IQSEC2: variants seen among roughly 807,000 people sequenced by gnomAD.
IQSEC2 encodes IQ motif and Sec7 domain ArfGEF 2.
A neutral mutation model predicts 74.6 loss-of-function variants in IQSEC2; 6 were observed. The ratio of observed to expected loss-of-function variants is 0.08; its 90% CI spans 0.04 to 0.16. IQSEC2 has a LOEUF of 0.16. Among genes scored for constraint, IQSEC2 ranks in the 10% least tolerant of loss-of-function variants. IQSEC2 has a pLI of 1.00. For synonymous variants in IQSEC2, 494 were observed against 544.5 expected (o/e 0.91, Z 1.29); for missense variants, 734 against 1,306.2 (o/e 0.56, Z 6.75).
intron 2 of IQSEC2, among the ~76,000 whole-genome samples, chrX:53,263,969 C>T (rs1223202297): frequency 8.0e-5 from 9 of 112,481 alleles, no homozygotes; most frequent in African/African-American, 2.6e-4. Flanking sequence ...ACCCTGGGTC[C>T]TCGAAGACCA....
chrX:53,312,295 T>C (rs782627555), intron 1 of IQSEC2, among the ~76,000 whole-genome samples: 1 of 111,640 alleles, frequency 9.0e-6, no homozygotes, highest in East Asian at 2.8e-4. Flanking sequence ...TCCAGGGTGA[T>C]GTCTCTCCTT....
Position 53,250,991 on chromosome X carries a change from G to A in IQSEC2, c.1585C>T (p.Pro529Ser). 8.3e-7 allele frequency: 1 copy of A among 1,211,909 alleles called. No homozygotes were observed. Among genetic ancestry groups the A allele is most frequent in the Non-Finnish European group, 1.1e-6 (1 of 895,505 alleles). ...GGTTCTGTGCTGGGCAGTCGCTCAG[G>A]GGATTGTTGGGGAACTGTGTCATCC... ...YLDDTVPQQSPERLPSTEPPP... is the reference protein window; with the variant it reads ...YLDDTVPQQSSERLPSTEPPP... Residue 529 changes from proline to serine, a missense_variant, in exon 5 of 15, where the codon CCT (proline) becomes TCT (serine). Around this residue, in one of 12 missense-constraint regions of IQSEC2, gnomAD observed 204 missense variants for 305.4 expected, o/e 0.67. Transcript: ENST00000642864.
intron 1 of IQSEC2, among the ~76,000 whole-genome samples, chrX:53,315,116 C>T (rs1254027836): frequency 1.8e-5 from 2 of 112,069 alleles, no homozygotes; most frequent in East Asian, 5.6e-4. Context: ...ATAGGCTGGG[C>T]GCAGTGGCTC....
chrX:53,292,940 C>T (rs906220992), intron 1 of IQSEC2, among the ~76,000 whole-genome samples: 27 of 111,838 alleles, frequency 2.4e-4, no homozygotes, highest in Admixed American at 2.1e-3. Context: ...TGTCATCTTC[C>T]TCCATCTTCA....
At chrX:53,258,917 G>A (rs376217832) in intron 2 of IQSEC2, among the ~76,000 whole-genome samples, 34 of 110,724 alleles carry the variant, frequency 3.1e-4, no homozygotes, top group African/African-American at 9.9e-4. Flanking sequence ...TAGGCCTGGC[G>A]CCGTGGATCA....
rs1344363809 is a variant in IQSEC2 at position 53,235,162 on chromosome X, C to T, written c.3524G>A (p.Arg1175His). ...TIEGSVISSP[R>H]PHQRMPPPPP... ...CGGAGGTGGCATCCTCTGGTGAGGG[C>T]GTGGACTGCTAATAACAGACCCCTG... is the stretch of plus-strand genomic sequence containing the variant. The change falls in exon 15 of 15, where the codon CGC becomes CAC. Residue 1175 changes from arginine (R) to histidine (H), a missense_variant. Arg to His is a conservative substitution (Grantham distance 29). This residue lies in a region of IQSEC2 where 249 missense variants were observed against 467.9 expected (regional missense o/e 0.53). Transcript: ENST00000642864. 3 of 1,160,133 alleles carry T rather than the reference C, an allele frequency of 2.6e-6. No individual in the cohort carries two copies. The highest frequency in any genetic ancestry group is 3.4e-6 in the Non-Finnish European group (3 of 870,095).
At chrX:53,241,636 G>A (rs1211333451) in intron 10 of IQSEC2, 148 bp downstream of exon 10, 5 of 772,391 alleles carry the variant, frequency 6.5e-6, no homozygotes, top group Non-Finnish European at 9.5e-6. Flanking sequence ...GAAGGCCTGG[G>A]CCTTGCCTGA....
intron 2 of IQSEC2, among the ~76,000 whole-genome samples, chrX:53,257,826 G>A (rs1229809731): frequency 8.9e-6 from 1 of 111,907 alleles, no homozygotes; most frequent in Non-Finnish European, 1.9e-5. Context: ...TATGAGGTAG[G>A]TACTGTAATT....
At chrX:53,229,253 C>A (rs2074054514), downstream of IQSEC2, 1 of 111,989 alleles carries the variant, frequency 8.9e-6, no homozygotes, top group Non-Finnish European at 1.9e-5. Flanking sequence ...GGGCTTCCTA[C>A]TGGCCAAATC....
chrX:53,308,823 C>T (rs1402237044), intron 1 of IQSEC2, among the ~76,000 whole-genome samples: 3 of 110,419 alleles, frequency 2.7e-5, no homozygotes, highest in South Asian at 3.9e-4. Context: ...AGGGGCCGGG[C>T]GCAGTGGCTC....
rs781828922 is a variant in IQSEC2, at chrX:53,321,106, C to T, written c.18G>A (p.Gly6=). The T allele has an allele frequency of 2.4e-5, 27 of 1,140,015 alleles. No individual in the cohort carries two copies. In the East Asian group the frequency reaches 6.2e-4, roughly 26 times the overall value. 94.0% of individuals were successfully genotyped at this position (1,140,015 alleles called of 1,213,427 possible). The change falls in exon 1 of 15, where the codon GGG becomes GGA. Residue 6 remains glycine (G), a synonymous_variant. Transcript: ENST00000642864. MEAGS[G]PPGGPGSESP... ...TCTCGGATCCCGGGCCGCCCGGGGG[C>T]CCCGACCCCGCCTCCATCCTGGCGG...
chrX:53,248,453 A>G (rs1365138610), intron 6 of IQSEC2, among the ~76,000 whole-genome samples: 1 of 111,442 alleles, frequency 9.0e-6, no homozygotes, highest in Non-Finnish European at 1.9e-5. Context: ...CCTTTCCATC[A>G]AGCCACTCAT....
intron 2 of IQSEC2, among the ~76,000 whole-genome samples, chrX:53,261,489 T>G (rs111739316): frequency 0.066 from 3,430 of 52,217 alleles, 157 homozygotes; most frequent in African/African-American, 0.16. Flanking sequence ...AACATCTGCA[T>G]GTGCACACAC....
At chrX:53,299,220 T>A (rs190830107) in intron 1 of IQSEC2, among the ~76,000 whole-genome samples, 52 of 111,018 alleles carry the variant, frequency 4.7e-4, no homozygotes, top group African/African-American at 1.5e-3. Context: ...CCCAGTGTAC[T>A]GAGGTTTAGT....
At chrX:53,319,524 G>C (rs1436178507) in intron 1 of IQSEC2, among the ~76,000 whole-genome samples, 1 of 111,535 alleles carries the variant, frequency 9.0e-6, no homozygotes, top group Non-Finnish European at 1.9e-5. Flanking sequence ...AAAGAAATAA[G>C]GGAGCCTTTA....
At chrX:53,227,511 G>A (rs2074047688), downstream of IQSEC2, 1 of 300,073 alleles carries the variant, frequency 3.3e-6, no homozygotes, top group Non-Finnish European at 5.8e-6. Context: ...GTAGAGTGGT[G>A]GGGCAGGGCC....
intron 1 of IQSEC2, among the ~76,000 whole-genome samples, chrX:53,311,594 ACCACAATAAGCACCTCTC>A (rs1360586979): frequency 9.0e-6 from 1 of 111,202 alleles, no homozygotes; most frequent in African/African-American, 3.3e-5. Flanking sequence ...GTTCTCCCAC[ACCACAATAAGCACCTCTC>A]CCCCAGTTTA....
At chrX:53,280,184 C>T (rs1298818226) in intron 2 of IQSEC2, among the ~76,000 whole-genome samples, 7 of 56,530 alleles carry the variant, frequency 1.2e-4, no homozygotes, top group Non-Finnish European at 1.9e-4. Flanking sequence ...GTAGGGAGGA[C>T]GGGAGGGGAA....
intron 2 of IQSEC2, among the ~76,000 whole-genome samples, chrX:53,270,964 TTCTAAAACGCTAATTTGA>T (rs1219925580): frequency 1.8e-5 from 2 of 111,378 alleles, no homozygotes; most frequent in African/African-American, 6.5e-5. Flanking sequence ...CTCATTTCCC[TTCTAAAACGCTAATTTGA>T]TCATGTCACT....
Sources: gnomAD v4.1 joint callset for allele counts (sites outside exome capture counted in the v4.1 genomes callset) on GRCh38, gnomAD v4.1.1 for gene constraint, gnomAD v4.1.1 regional missense constraint, MANE v1.5 for transcripts, NCBI Gene and HGNC (gene_info 2026-07-23, HGNC 2026-07-21) for gene names.